Variants in H3-3A observed in about 807,000 individuals in gnomAD.
The protein encoded by H3-3A is histone H3.3.
For synonymous variants in H3-3A, 49 were observed against 61.4 expected (o/e 0.80, Z 0.95); for missense variants, 7 against 184.0 (o/e 0.04, Z 5.57).
intron 1 of H3-3A, among the ~76,000 whole-genome samples, chr1:226,063,384 T>C (rs1364344052): frequency 6.6e-6 from 1 of 151,610 alleles, no homozygotes; most frequent in African/African-American, 2.4e-5. Context: ...TTTTCCCTTT[T>C]TTGGAGAGGC....
intron 3 of H3-3A, among the ~76,000 whole-genome samples, chr1:226,071,069 A>G (rs1350812466): frequency 6.6e-6 from 1 of 152,224 alleles, no homozygotes; most frequent in East Asian, 1.9e-4. Context: ...TTTATTAGAA[A>G]TCATGTTACC....
chr1:226,062,003 G>T (rs1340127548), upstream of H3-3A: 1 of 152,190 alleles, frequency 6.6e-6, no homozygotes, highest in African/African-American at 2.4e-5. Flanking sequence ...CGGCGGACTC[G>T]GGCCGGTCCC....
At chr1:226,065,893 C>A (rs1295356020) in intron 3 of H3-3A, 84 bp downstream of exon 3, 5 of 980,406 alleles carry the variant, frequency 5.1e-6, no homozygotes, top group Non-Finnish European at 8.0e-6. Context: ...GTGCTTATAT[C>A]ATTTAATCAC....
intron 3 of H3-3A, chr1:226,066,276 A>C (rs1419124465): frequency 6.1e-6 from 1 of 165,000 alleles, no homozygotes; most frequent in Non-Finnish European, 1.3e-5. Context: ...GTATTAAAAA[A>C]TTATGCATTA....
chr1:226,064,951 A>G (rs981826393), intron 2 of H3-3A, among the ~76,000 whole-genome samples: 4 of 152,152 alleles, frequency 2.6e-5, no homozygotes, highest in Admixed American at 6.6e-5. Context: ...ATTGTGAACT[A>G]CCTGAGCCAC....
Position 226,065,710 on chromosome 1 carries a change from T to A in H3-3A, c.183T>A (p.Leu61=). 6.2e-7 allele frequency: 1 copy of A among 1,609,512 alleles called. No individual in the cohort carries two copies. The highest frequency in any genetic ancestry group is 8.5e-7 in the Non-Finnish European group (1 of 1,176,086). ...EIRRYQKSTE[L]LIRKLPFQRL... is the part of the protein sequence containing the mutation. ...GACGTTATCAGAAGTCCACTGAACT[T>A]CTGATTCGCAAACTTCCCTTCCAGC... is the stretch of plus-strand genomic sequence containing the variant. The change falls in exon 3 of 4, where the codon CTT becomes CTA. Residue 61 remains leucine, a synonymous_variant. Coordinates refer to ENST00000366815, the MANE Select transcript of H3-3A (RefSeq NM_002107.7).
intron 1 of H3-3A, among the ~76,000 whole-genome samples, chr1:226,063,344 AAAG>A (rs1470966948): frequency 1.3e-5 from 2 of 152,094 alleles, no homozygotes; most frequent in Non-Finnish European, 2.9e-5. Context: ...CCATTTCAAA[AAAG>A]CAAGAATTTT....
At chr1:226,070,661 T>A (rs767461986) in intron 3 of H3-3A, among the ~76,000 whole-genome samples, 6 of 151,794 alleles carry the variant, frequency 4.0e-5, no homozygotes, top group Admixed American at 1.3e-4. Flanking sequence ...TAGTCCCAGC[T>A]ACTCGGGAGG....
chr1:226,070,648 C>T (rs1658083271), intron 3 of H3-3A, among the ~76,000 whole-genome samples: 1 of 151,874 alleles, frequency 6.6e-6, no homozygotes, highest in South Asian at 2.1e-4. Flanking sequence ...TGGCGCATAC[C>T]TGTAGTCCCA....
chr1:226,062,514 G>C (rs1280302816), upstream of H3-3A, among the ~76,000 whole-genome samples: 1 of 149,932 alleles, frequency 6.7e-6, no homozygotes, highest in African/African-American at 2.4e-5. Flanking sequence ...GGCGCGAGGC[G>C]GCCTGGAGGA....
Position 226,064,499 on chromosome 1 carries a change from A to G in H3-3A, c.128+20A>G. 6.3e-7 allele frequency: 1 copy of G among 1,599,722 alleles called. No homozygotes were observed. Among genetic ancestry groups the G allele is most frequent in the Non-Finnish European group, 8.6e-7 (1 of 1,168,650 alleles). On this transcript the variant is annotated intron_variant, in intron 2 of 3. Transcript: ENST00000366815. ...TTACAGGTATTAAAAAACAGGAAAAAAATGGGACAAAGTCTCTCTTGTATG... is the reference window on the plus strand; with the variant it reads ...TTACAGGTATTAAAAAACAGGAAAAGAATGGGACAAAGTCTCTCTTGTATG...
At chr1:226,063,170 C>T (rs1657794335) in intron 1 of H3-3A, among the ~76,000 whole-genome samples, 1 of 151,876 alleles carries the variant, frequency 6.6e-6, no homozygotes, top group Non-Finnish European at 1.5e-5. Context: ...CGCCCCCGGG[C>T]CCCAGCCCCC....
intron 3 of H3-3A, among the ~76,000 whole-genome samples, chr1:226,070,200 G>C (rs1177986254): frequency 6.6e-6 from 1 of 152,188 alleles, no homozygotes; most frequent in Non-Finnish European, 1.5e-5. Flanking sequence ...GGAACTGCCA[G>C]GCCAGTTGCG....
intron 3 of H3-3A, chr1:226,066,724 A>G (rs1181393122): frequency 6.6e-6 from 1 of 152,478 alleles, no homozygotes; most frequent in Non-Finnish European, 1.5e-5. Flanking sequence ...ATTGTTAGGC[A>G]CCATTGCAGA....
chr1:226,070,345 G>T (rs1053087706), intron 3 of H3-3A, among the ~76,000 whole-genome samples: 1 of 151,980 alleles, frequency 6.6e-6, no homozygotes, highest in Non-Finnish European at 1.5e-5. Context: ...GGTGGTGGGC[G>T]CCTGTAGCCC....
intron 3 of H3-3A, among the ~76,000 whole-genome samples, chr1:226,070,613 A>G (rs970212249): frequency 1.3e-5 from 2 of 151,342 alleles, no homozygotes. Context: ...CTCTACTAAA[A>G]ATACAAAAAA....
In H3-3A at chr1:226,071,333, T is replaced by C. The variant is rs1658116618; in HGVS notation, c.283-18T>C. ...GGAAATAACATCATCAGTAATTTTT[T>C]CTTCATTCCTTTTGCAGGAGGCAAG... On this transcript the variant is annotated intron_variant, in intron 3 of 3. Transcript: ENST00000366815. The C allele has an allele frequency of 3.7e-6, 6 of 1,604,832 alleles. No individual in the cohort carries two copies. The highest frequency in any genetic ancestry group is 5.1e-6 in the Non-Finnish European group (6 of 1,173,218).
intron 3 of H3-3A, among the ~76,000 whole-genome samples, chr1:226,070,250 G>A (rs1385630743): frequency 6.6e-6 from 1 of 152,108 alleles, no homozygotes; most frequent in East Asian, 1.9e-4. Context: ...GGGAGGCCGA[G>A]GCAGGAGGAT....
chr1:226,062,048 C>A (rs1191149330), upstream of H3-3A: 1 of 152,202 alleles, frequency 6.6e-6, no homozygotes, highest in East Asian at 1.9e-4. Flanking sequence ...AGCGCGCAGG[C>A]GGGAAGGAGG....
Sources: allele counts gnomAD v4.1 joint callset (sites outside exome capture counted in the v4.1 genomes callset), GRCh38; gene constraint gnomAD v4.1.1; transcripts MANE v1.5; gene names NCBI Gene and HGNC (gene_info 2026-07-23, HGNC 2026-07-21).